Variants in C19orf47 observed in about 807,000 individuals in gnomAD.
C19orf47 encodes the protein chromosome 19 open reading frame 47.
A neutral mutation model predicts 32.3 loss-of-function variants in C19orf47; 18 were observed. The observed-to-expected ratio is 0.56, with a 90% CI of 0.39 to 0.83. C19orf47 has a LOEUF of 0.83. Among genes scored for constraint, C19orf47 ranks in the 40% least tolerant of loss-of-function variants. The pLI is 0.00. For synonymous variants in C19orf47, 202 were observed against 211.1 expected, an observed-to-expected ratio of 0.96 and a Z score of 0.37; for missense variants, 484 against 531.6, an observed-to-expected ratio of 0.91 and a Z score of 0.88.
At chr19:40,341,799 G>A (rs1409868088) in intron 2 of C19orf47, 40 bp downstream of exon 2, 4 of 1,535,882 alleles carry the variant, frequency 2.6e-6, no homozygotes, top group Non-Finnish European at 2.6e-6. Context: ...AAAAAGGGCA[G>A]TGGGGAGAGG....
chr19:40,305,730 A>C, the C19orf47 span, among the ~76,000 whole-genome samples: 1 of 152,238 alleles, frequency 6.6e-6, no homozygotes, highest in Admixed American at 6.6e-5. Context: ...CCAAGCCAGG[A>C]GAAAAAACAG....
intron 2 of C19orf47, among the ~76,000 whole-genome samples, chr19:40,337,413 C>T (rs2078087236): frequency 6.6e-6 from 1 of 151,764 alleles, no homozygotes; most frequent in African/African-American, 2.4e-5. Context: ...ATTTTCTTGG[C>T]TTCTTGGTGG....
Position 40,340,281 on chromosome 19 carries a change from C to T in C19orf47, c.19+1558G>A, listed in dbSNP as rs141517707. On this transcript the variant is annotated intron_variant, in intron 2 of 8. Coordinates refer to ENST00000683109, the MANE Select transcript of C19orf47 (RefSeq NM_001256441.2). Reference sequence around the variant, plus strand: ...TCAGGTATTTCTAATACCTCAGAACCCTTTATATTACCTTTAGAGTCTCTA... The same window carrying T: ...TCAGGTATTTCTAATACCTCAGAACTCTTTATATTACCTTTAGAGTCTCTA... Among the ~76,000 whole-genome samples the T allele has an allele frequency of 4.6e-3, 707 of 152,124 alleles. 4 individuals carry two copies. The highest frequency in any genetic ancestry group is 0.02 in the Middle Eastern group (6 of 294).
At chr19:40,339,569 G>A (rs187024682) in intron 2 of C19orf47, among the ~76,000 whole-genome samples, 1 of 152,140 alleles carries the variant, frequency 6.6e-6, no homozygotes, top group Admixed American at 6.5e-5. Flanking sequence ...ACATTATGTT[G>A]AGCAAAAGAA....
chr19:40,341,998 G>C, intron 1 of C19orf47, 108 bp from the exon 2 acceptor site: 1 of 1,517,280 alleles, frequency 6.6e-7, no homozygotes, highest in South Asian at 1.2e-5. Context: ...CTGGGCTAGG[G>C]GCTCACCGCC....
chr19:40,334,419 A>C (rs951501009), intron 4 of C19orf47, among the ~76,000 whole-genome samples: 3 of 152,094 alleles, frequency 2.0e-5, no homozygotes, highest in African/African-American at 7.2e-5. Flanking sequence ...ACTGCATTCT[A>C]GCCTGGGCAA....
chr19:40,313,358 T>A, the C19orf47 span, among the ~76,000 whole-genome samples: 1 of 152,204 alleles, frequency 6.6e-6, no homozygotes, highest in African/African-American at 2.4e-5. Context: ...AGGGGCTCAC[T>A]CTGTTGCCCA....
chr19:40,327,076 C>T (rs1337773427), intron 6 of C19orf47, among the ~76,000 whole-genome samples: 3 of 148,476 alleles, frequency 2.0e-5, no homozygotes, highest in African/African-American at 7.5e-5. Context: ...TGCAATGGCA[C>T]GATCTCAGCT....
Position 40,321,671 on chromosome 19 carries a change from G to T in C19orf47, c.*211C>A. Reference sequence around the variant, plus strand: ...AAGCACAGAGGACATGAGAGAAGGGGAGTCCTGGAGCAGGCCAGGCCAGCT... The same window carrying T: ...AAGCACAGAGGACATGAGAGAAGGGTAGTCCTGGAGCAGGCCAGGCCAGCT... On this transcript the variant is annotated 3_prime_UTR_variant, in exon 9 of 9. Coordinates refer to ENST00000683109, the MANE Select transcript of C19orf47 (RefSeq NM_001256441.2). The T allele has an allele frequency of 1.4e-6, 2 of 1,394,910 alleles. No individual in the cohort carries two copies. The highest frequency in any genetic ancestry group is 1.9e-6 in the Non-Finnish European group (2 of 1,080,770). The allele number at this position is 1,394,910 out of a possible 1,614,324, so 86.4% of individuals were successfully genotyped here. A position where few individuals can be genotyped will look rare whatever the true frequency, so the allele number is the denominator to read the frequency against.
intron 2 of C19orf47, among the ~76,000 whole-genome samples, chr19:40,341,316 A>C (rs931292622): frequency 2.6e-5 from 4 of 151,948 alleles, no homozygotes; most frequent in Non-Finnish European, 5.9e-5. Context: ...CCTGGGCAAC[A>C]AGAGCGAAAC....
intron 5 of C19orf47, among the ~76,000 whole-genome samples, chr19:40,332,293 T>C (rs922936871): frequency 4.6e-5 from 7 of 151,048 alleles, no homozygotes; most frequent in African/African-American, 1.7e-4. Context: ...GGAGGCAGAG[T>C]TTGCAGTTAG....
downstream of C19orf47, among the ~76,000 whole-genome samples, chr19:40,319,154 C>T (rs1042479545): frequency 4.0e-5 from 6 of 151,816 alleles, no homozygotes; most frequent in African/African-American, 1.5e-4. Flanking sequence ...CCTGTAATCC[C>T]AGCTACCAGG....
rs915381884 is a variant in C19orf47, at chr19:40,341,904, G to A, written c.-33-14C>T. The A allele has an allele frequency of 7.2e-6, 11 of 1,536,226 alleles. No homozygotes were observed. Among genetic ancestry groups the A allele is most frequent in the Non-Finnish European group, 9.6e-6 (11 of 1,146,894 alleles). ...GCTCCCTGGAGCCTGAAAGAGAAGA[G>A]AGGAGAGAGCCCATGAGCTGCTGCC... On this transcript the variant is annotated splice_polypyrimidine_tract_variant and intron_variant, in intron 1 of 8. Transcript: ENST00000683109.
At chr19:40,348,174 C>A in intron 1 of C19orf47, 150 bp downstream of exon 1, 1 of 449,534 alleles carries the variant, frequency 2.2e-6, no homozygotes, top group Non-Finnish European at 3.6e-6. Context: ...GATTCTAACC[C>A]CCATTCCACA....
At chr19:40,326,228 T>A in intron 7 of C19orf47, 106 bp downstream of exon 7, 2 of 1,485,290 alleles carry the variant, frequency 1.3e-6, no homozygotes, top group Non-Finnish European at 1.8e-6. Context: ...GCATCCCCGT[T>A]AGAACCTGCT....
At position 40,321,171 on chromosome 19, in the gene C19orf47, A is replaced by G; in HGVS notation, c.*711T>C. The G allele has an allele frequency of 1.1e-6, 1 of 929,446 alleles. No individual in the cohort carries two copies. The highest frequency in any genetic ancestry group is 1.3e-6 in the Non-Finnish European group (1 of 777,622). The allele number at this position is 929,446 out of a possible 1,614,324, so 57.6% of individuals were successfully genotyped here. A position where few individuals can be genotyped will look rare whatever the true frequency, so the allele number is the denominator to read the frequency against. ...ACCCGCCATACACTTTCAGAGACAG[A>G]TGCCCAGGGCAGGAAAACGGATGCG... On this transcript the variant is annotated 3_prime_UTR_variant, in exon 9 of 9. Transcript: ENST00000683109.
chr19:40,326,749 G>GGCCCA, intron 6 of C19orf47, among the ~76,000 whole-genome samples: 1 of 152,224 alleles, frequency 6.6e-6, no homozygotes, highest in South Asian at 2.1e-4. Flanking sequence ...GCAGGCTTCT[G>GGCCCA]GCCCAGCCCA....
At chr19:40,302,042 T>C in the C19orf47 span, among the ~76,000 whole-genome samples, 13 of 151,562 alleles carry the variant, frequency 8.6e-5, no homozygotes, top group African/African-American at 3.1e-4. Flanking sequence ...GCACCTGTAA[T>C]CCCAGCTACT....
intron 1 of C19orf47, 171 bp from the exon 2 acceptor site, chr19:40,342,061 C>G: frequency 1.0e-6 from 1 of 985,428 alleles, no homozygotes; most frequent in Non-Finnish European, 1.2e-6. Flanking sequence ...AGAGCTGCCA[C>G]CACCATCATC....
Sources: allele counts gnomAD v4.1 joint callset (sites outside exome capture counted in the v4.1 genomes callset), GRCh38; gene constraint gnomAD v4.1.1; transcripts MANE v1.5; gene names NCBI Gene and HGNC (gene_info 2026-07-23, HGNC 2026-07-21).